Variants in NOL10 observed in about 807,000 individuals in gnomAD.
The protein encoded by NOL10 is nucleolar protein 10, also known as H_NH0074G24.1.
A neutral mutation model predicts 103.5 loss-of-function variants in NOL10; 58 were observed. The ratio of observed to expected loss-of-function variants is 0.56; its 90% CI spans 0.45 to 0.70. The LOEUF (loss-of-function observed/expected upper bound fraction) is 0.70, where lower values mean the gene tolerates loss of function less well. Among genes scored for constraint, NOL10 ranks in the 30% least tolerant of loss-of-function variants. The pLI is 0.00. For synonymous variants in NOL10, 287 were observed against 282.5 expected (o/e 1.02, Z -0.16); for missense variants, 763 against 807.3 (o/e 0.95, Z 0.67).
At chr2:10,670,477 G>GT (rs1482213492) in intron 6 of NOL10, among the ~76,000 whole-genome samples, 1 of 152,180 alleles carries the variant, frequency 6.6e-6, no homozygotes, top group African/African-American at 2.4e-5. Flanking sequence ...GCTCATGTCT[G>GT]TACTCCCAGC....
At position 10,602,894 on chromosome 2, in the gene NOL10, T is replaced by G; in HGVS notation, c.1234-20A>C. On this transcript the variant is annotated intron_variant, in intron 15 of 20. Transcript: ENST00000381685. ...TTTCACCTTTTCAAAATGAAAAAAG[T>G]TTTTAAAATAAAAGAATGGTATTTG... The G allele has an allele frequency of 2.0e-6, 3 of 1,537,874 alleles. No homozygotes were observed. The highest frequency in any genetic ancestry group is 1.8e-6 in the Non-Finnish European group (2 of 1,122,888).
intron 9 of NOL10, among the ~76,000 whole-genome samples, chr2:10,660,100 T>C (rs936463169): frequency 1.1e-4 from 16 of 152,158 alleles, no homozygotes; most frequent in African/African-American, 3.9e-4. Context: ...ATCGTCCACA[T>C]GCCCTTGGCC....
chr2:10,619,723 A>C (rs908827623), intron 13 of NOL10, among the ~76,000 whole-genome samples: 1 of 152,176 alleles, frequency 6.6e-6, no homozygotes, highest in Non-Finnish European at 1.5e-5. Context: ...AATCTTCTTC[A>C]AAGTCCACTG....
At chr2:10,646,682 G>C (rs1050867123) in intron 12 of NOL10, among the ~76,000 whole-genome samples, 2 of 152,156 alleles carry the variant, frequency 1.3e-5, no homozygotes, top group African/African-American at 4.8e-5. Flanking sequence ...CATGAGCATC[G>C]CGCCAGGCAA....
At chr2:10,689,444 G>A (rs1682459064) in intron 1 of NOL10, among the ~76,000 whole-genome samples, 1 of 152,226 alleles carries the variant, frequency 6.6e-6, no homozygotes, top group African/African-American at 2.4e-5. Context: ...GGGGAGAGAT[G>A]TGTCAACGAA....
intron 12 of NOL10, among the ~76,000 whole-genome samples, chr2:10,653,577 C>G (rs1679630021): frequency 6.6e-6 from 1 of 152,154 alleles, no homozygotes; most frequent in South Asian, 2.1e-4. Context: ...ATGCCCAACC[C>G]TCTACCACCC....
chr2:10,685,640 T>C (rs919975563), intron 1 of NOL10, among the ~76,000 whole-genome samples: 1 of 151,922 alleles, frequency 6.6e-6, no homozygotes, highest in Non-Finnish European at 1.5e-5. Context: ...TGAATAAAAA[T>C]CGTAGCCCCA....
chr2:10,590,403 C>A (rs1308102601), intron 17 of NOL10, among the ~76,000 whole-genome samples: 1 of 152,194 alleles, frequency 6.6e-6, no homozygotes, highest in African/African-American at 2.4e-5. Context: ...CCACTGAAAA[C>A]AGGGCTTTTA....
intron 12 of NOL10, among the ~76,000 whole-genome samples, chr2:10,648,765 C>T (rs1679257556): frequency 6.6e-6 from 1 of 151,338 alleles, no homozygotes; most frequent in Non-Finnish European, 1.5e-5. Flanking sequence ...AACAACATCA[C>T]GAGAAAAAAA....
chr2:10,587,517 C>A (rs546970092), intron 19 of NOL10, among the ~76,000 whole-genome samples: 8 of 151,304 alleles, frequency 5.3e-5, no homozygotes, highest in Non-Finnish European at 7.4e-5. Flanking sequence ...GATCTGCCCC[C>A]CCCTTGGCCT....
chr2:10,603,224 T>C, intron 14 of NOL10, 67 bp from the exon 15 acceptor site: 1 of 1,177,278 alleles, frequency 8.5e-7, no homozygotes, highest in Non-Finnish European at 1.2e-6. Context: ...ACAGTTTTTC[T>C]TGGGCAACAA....
intron 20 of NOL10, among the ~76,000 whole-genome samples, chr2:10,576,536 T>C (rs1674459786): frequency 6.6e-6 from 1 of 152,196 alleles, no homozygotes; most frequent in Non-Finnish European, 1.5e-5. Context: ...TAAAAAGAAA[T>C]GCAATTCCAA....
chr2:10,601,015 A>T (rs10181806), intron 16 of NOL10, 73 bp from the exon 17 acceptor site: 2 of 868,506 alleles, frequency 2.3e-6, no homozygotes, highest in South Asian at 1.6e-5. Context: ...GCTTAAAGGT[A>T]AACAGTTGTG....
chr2:10,686,125 A>G (rs924355074), intron 1 of NOL10, among the ~76,000 whole-genome samples: 4 of 152,202 alleles, frequency 2.6e-5, no homozygotes, highest in Non-Finnish European at 4.4e-5. Context: ...CAAGTGAGGG[A>G]ACACCAACAA....
intron 13 of NOL10, among the ~76,000 whole-genome samples, chr2:10,643,081 G>C (rs1239687168): frequency 6.6e-6 from 1 of 152,204 alleles, no homozygotes. Flanking sequence ...TATGAATGCA[G>C]TATCTGCAAG....
At chr2:10,583,003 G>A (rs989415499) in intron 19 of NOL10, among the ~76,000 whole-genome samples, 12 of 152,176 alleles carry the variant, frequency 7.9e-5, no homozygotes. Flanking sequence ...TGAGAAACGA[G>A]TGCCAGTGAG....
rs575447116 is a variant in NOL10, at chr2:10,670,278, A to C, written c.464+1276T>G. On this transcript the variant is annotated intron_variant, in intron 6 of 20. Transcript: ENST00000381685. ...AAGATCATGTCTTATTCTTCTTTAA[A>C]GAAATTAGTCCTTCAAATACTGCTG... Among the ~76,000 whole-genome samples, 4 of 152,326 alleles carry C rather than the reference A, an allele frequency of 2.6e-5. No homozygotes were observed. In the South Asian group the frequency reaches 6.2e-4, roughly 24 times the overall value.
intron 12 of NOL10, among the ~76,000 whole-genome samples, chr2:10,653,159 C>A (rs896069183): frequency 6.0e-5 from 9 of 150,452 alleles, no homozygotes; most frequent in African/African-American, 2.0e-4. Flanking sequence ...TGTGCCACTG[C>A]GCTCCAGCCT....
At chr2:10,597,025 A>G (rs191579779) in intron 17 of NOL10, among the ~76,000 whole-genome samples, 2 of 152,092 alleles carry the variant, frequency 1.3e-5, no homozygotes, top group Admixed American at 1.3e-4. Context: ...GCTGCAGTAC[A>G]GTGGTGTGAT....
Sources: allele counts gnomAD v4.1 joint callset (sites outside exome capture counted in the v4.1 genomes callset), GRCh38; gene constraint gnomAD v4.1.1; transcripts MANE v1.5; gene names NCBI Gene and HGNC (gene_info 2026-07-23, HGNC 2026-07-21).